The following ZNF385D variants were observed in gnomAD, a reference collection of about 807,000 sequenced individuals.
The protein encoded by ZNF385D is zinc finger protein 659.
ZNF385D carries 15 observed loss-of-function variants against 35.8 expected under a neutral mutation model. The observed-to-expected ratio is 0.42, with a 90% CI of 0.28 to 0.64. The LOEUF (loss-of-function observed/expected upper bound fraction) is 0.64, where lower values mean the gene tolerates loss of function less well. Ranked by LOEUF, ZNF385D falls within the 30% of genes least tolerant of loss-of-function variation. ZNF385D has a pLI of 0.23. For missense variants in ZNF385D, 474 were observed against 494.6 expected (o/e 0.96, Z 0.39); for synonymous variants, 212 against 186.8 (o/e 1.13, Z -1.10).
intron 3 of ZNF385D, among the ~76,000 whole-genome samples, chr3:21,789,865 T>C (rs905522004): frequency 6.6e-6 from 1 of 152,206 alleles, no homozygotes; most frequent in Non-Finnish European, 1.5e-5. Flanking sequence ...ATGTGGCTTC[T>C]TGGGTTCTTT....
chr3:21,579,676 A>G (rs900932722), intron 2 of ZNF385D: 1 of 152,162 alleles, frequency 6.6e-6, no homozygotes, highest in Non-Finnish European at 1.5e-5. Flanking sequence ...AACATCAGAA[A>G]TTTATCATCT....
chr3:21,804,326 AAT>A (rs1431021630), intron 3 of ZNF385D, among the ~76,000 whole-genome samples: 1 of 152,172 alleles, frequency 6.6e-6, no homozygotes, highest in Non-Finnish European at 1.5e-5. Context: ...GAAAAGGCTA[AAT>A]ATATCTCTAT....
intron 3 of ZNF385D, among the ~76,000 whole-genome samples, chr3:21,924,526 A>G (rs373406716): frequency 1.1e-4 from 16 of 152,332 alleles, no homozygotes; most frequent in African/African-American, 3.4e-4. Flanking sequence ...TGTGGCCCCA[A>G]CACCATCCAT....
intron 3 of ZNF385D, among the ~76,000 whole-genome samples, chr3:21,938,173 C>T (rs1701350631): frequency 6.6e-6 from 1 of 152,148 alleles, no homozygotes; most frequent in South Asian, 2.1e-4. Flanking sequence ...TAAATGTACC[C>T]ATTTTAGTCG....
At chr3:22,344,637 G>C (rs1194852122) in intron 2 of ZNF385D, among the ~76,000 whole-genome samples, 1 of 151,984 alleles carries the variant, frequency 6.6e-6, no homozygotes, top group Non-Finnish European at 1.5e-5. Flanking sequence ...GCTCAGGCTT[G>C]TCTCAAACTC....
intron 3 of ZNF385D, among the ~76,000 whole-genome samples, chr3:21,956,677 A>G (rs868540441): frequency 6.6e-6 from 1 of 151,584 alleles, no homozygotes; most frequent in Non-Finnish European, 1.5e-5. Flanking sequence ...AAAAAGTGAT[A>G]AATGATTTTC....
intron 3 of ZNF385D, among the ~76,000 whole-genome samples, chr3:22,139,285 A>G (rs1704346654): frequency 6.6e-6 from 1 of 152,244 alleles, no homozygotes. Context: ...AAAGAATTAT[A>G]TATCATGCTG....
rs147940629 is a variant in ZNF385D, at chr3:22,046,888, T to C, written c.325+121929A>G. Among the ~76,000 whole-genome samples the C allele has an allele frequency of 1.2e-4, 18 of 152,260 alleles. No individual in the cohort carries two copies. In the East Asian group the frequency reaches 3.3e-3, roughly 28 times the overall value. The stretch of plus-strand genomic sequence containing the variant: ...ATCAACTGTGAAACAAAGGAAAATA[T>C]GAAATCAGAAACACTTTATACTATA... On this transcript the variant is annotated intron_variant, in intron 3 of 5. Coordinates refer to the ZNF385D transcript ENST00000494108.
At chr3:21,708,874 C>A (rs2068000405) in intron 1 of ZNF385D, among the ~76,000 whole-genome samples, 1 of 151,946 alleles carries the variant, frequency 6.6e-6, no homozygotes, top group African/African-American at 2.4e-5. Context: ...CACACACACA[C>A]ACACACACAC....
At chr3:22,097,127 ACT>A (rs1701675297) in intron 3 of ZNF385D, among the ~76,000 whole-genome samples, 3 of 152,036 alleles carry the variant, frequency 2.0e-5, no homozygotes, top group South Asian at 2.1e-4. Context: ...AACACCAGTG[ACT>A]CTGAATGAAC....
chr3:21,636,345 T>C (rs2065431385), intron 2 of ZNF385D, among the ~76,000 whole-genome samples: 1 of 136,206 alleles, frequency 7.3e-6, no homozygotes, highest in African/African-American at 2.7e-5. Flanking sequence ...TGATTTTACA[T>C]ATATATGATT....
At chr3:22,279,595 TATATATGTATATACATATAC>T (rs1435611191) in intron 2 of ZNF385D, among the ~76,000 whole-genome samples, 17 of 144,438 alleles carry the variant, frequency 1.2e-4, no homozygotes, top group South Asian at 2.1e-4. Context: ...CATATGTACA[TATATATGTATATACATATAC>T]ATATATGTAT....
chr3:21,604,308 A>G (rs1420659134), intron 2 of ZNF385D, among the ~76,000 whole-genome samples: 1 of 152,250 alleles, frequency 6.6e-6, no homozygotes. Flanking sequence ...CCTAGAGCTC[A>G]GAAACAAATG....
intron 2 of ZNF385D, among the ~76,000 whole-genome samples, chr3:22,180,375 A>G (rs1358514305): frequency 6.6e-6 from 1 of 152,238 alleles, no homozygotes; most frequent in Admixed American, 6.5e-5. Flanking sequence ...AGCTGGGACC[A>G]TTCCTTCTGA....
At chr3:22,340,576 G>A (rs977220122) in intron 2 of ZNF385D, among the ~76,000 whole-genome samples, 18 of 152,154 alleles carry the variant, frequency 1.2e-4, no homozygotes, top group African/African-American at 3.1e-4. Context: ...AACCTGGGAC[G>A]TGGAGGTTGC....
intron 2 of ZNF385D, among the ~76,000 whole-genome samples, chr3:22,235,993 A>T (rs1699157989): frequency 6.6e-6 from 1 of 152,182 alleles, no homozygotes. Flanking sequence ...AGGGGCTCAC[A>T]AAATGCACAA....
At chr3:22,048,379 G>T (rs1324237629) in intron 3 of ZNF385D, among the ~76,000 whole-genome samples, 2 of 152,024 alleles carry the variant, frequency 1.3e-5, no homozygotes, top group African/African-American at 4.8e-5. Flanking sequence ...ATAGATCCAG[G>T]TCTTATATTT....
chr3:21,804,137 A>G (rs1171691052), intron 3 of ZNF385D, among the ~76,000 whole-genome samples: 5 of 152,190 alleles, frequency 3.3e-5, no homozygotes, highest in Non-Finnish European at 7.4e-5. Flanking sequence ...TTTCTTGTGC[A>G]TATGTTTTAT....
chr3:22,351,397 G>A (rs1286858552), intron 2 of ZNF385D, among the ~76,000 whole-genome samples: 1 of 151,900 alleles, frequency 6.6e-6, no homozygotes, highest in African/African-American at 2.4e-5. Flanking sequence ...TTTATACAAA[G>A]ACAAGGGATA....
Sources: allele counts gnomAD v4.1 joint callset (sites outside exome capture counted in the v4.1 genomes callset), GRCh38; gene constraint gnomAD v4.1.1; transcripts MANE v1.5; gene names NCBI Gene and HGNC (gene_info 2026-07-23, HGNC 2026-07-21).